Variants in MCPH1 observed in about 807,000 individuals in gnomAD.
MCPH1 encodes the protein microcephalin.
Under a neutral mutation model 84.5 loss-of-function variants are expected in MCPH1, and 104 were observed. The observed-to-expected ratio is 1.23, with a 90% confidence interval of 1.05 to 1.45. MCPH1 has a LOEUF of 1.45. MCPH1 is among the 40% of genes most tolerant of loss of function. The probability of loss-of-function intolerance (pLI) is 0.00; values close to 1 mark genes in which losing one functional copy is unlikely to be tolerated. For synonymous variants in MCPH1, 514 were observed against 366.8 expected (o/e 1.40, Z -4.58); for missense variants, 1,498 against 1,005.7 (o/e 1.49, Z -6.62).
chr8:6,586,240 T>C (rs1397247136), intron 12 of MCPH1, among the ~76,000 whole-genome samples: 1 of 152,066 alleles, frequency 6.6e-6, no homozygotes, highest in Non-Finnish European at 1.5e-5. Context: ...GGATTACAGG[T>C]GTGAGCCACC....
At chr8:6,473,888 T>C (rs1808089902) in intron 9 of MCPH1, 3 of 1,521,986 alleles carry the variant, frequency 2.0e-6, no homozygotes, top group Non-Finnish European at 2.6e-6. Context: ...TTTCAAGATC[T>C]GATCTACATT....
chr8:6,613,745 G>A (rs111673418), intron 12 of MCPH1, among the ~76,000 whole-genome samples: 12 of 152,214 alleles, frequency 7.9e-5, no homozygotes, highest in African/African-American at 2.6e-4. Flanking sequence ...CAGTAACAGC[G>A]AGGTTGAAGT....
intron 12 of MCPH1, among the ~76,000 whole-genome samples, chr8:6,605,177 C>A (rs990532261): frequency 3.3e-5 from 5 of 151,844 alleles, no homozygotes; most frequent in Non-Finnish European, 7.4e-5. Context: ...TTGTTGGGTC[C>A]CTGAATCTGG....
At chr8:6,420,823 G>C (rs981705075) in intron 3 of MCPH1, among the ~76,000 whole-genome samples, 1 of 152,170 alleles carries the variant, frequency 6.6e-6, no homozygotes, top group Non-Finnish European at 1.5e-5. Context: ...GTATGGGTTT[G>C]CAGCAACTTC....
intron 13 of MCPH1, among the ~76,000 whole-genome samples, chr8:6,623,541 T>G (rs1356196526): frequency 6.6e-6 from 1 of 152,100 alleles, no homozygotes; most frequent in Non-Finnish European, 1.5e-5. Context: ...TTTGTTCAAG[T>G]TACATTCGTA....
At chr8:6,520,980 C>T (rs533986389) in intron 12 of MCPH1, among the ~76,000 whole-genome samples, 2 of 152,256 alleles carry the variant, frequency 1.3e-5, no homozygotes, top group East Asian at 1.9e-4. Flanking sequence ...CAAAAGTATG[C>T]TTGGGGTGTT....
chr8:6,495,716 G>A (rs926813145), intron 11 of MCPH1, among the ~76,000 whole-genome samples: 2 of 152,148 alleles, frequency 1.3e-5, no homozygotes, highest in South Asian at 2.1e-4. Flanking sequence ...TGGAGTGAAG[G>A]GTGGATGGAG....
chr8:6,594,435 T>C (rs1028741223), intron 12 of MCPH1, among the ~76,000 whole-genome samples: 2 of 152,166 alleles, frequency 1.3e-5, no homozygotes, highest in African/African-American at 4.8e-5. Flanking sequence ...TGCTAATCTT[T>C]CCAAAACACT....
chr8:6,626,453 G>GTTGT (rs1257329138), intron 13 of MCPH1: 1 of 962,344 alleles, frequency 1.0e-6, no homozygotes, highest in East Asian at 1.2e-4. Flanking sequence ...AAATGGGGTT[G>GTTGT]TTGTTTGGTT....
chr8:6,486,337 C>G (rs1300548922), intron 11 of MCPH1, among the ~76,000 whole-genome samples: 1 of 151,994 alleles, frequency 6.6e-6, no homozygotes, highest in Non-Finnish European at 1.5e-5. Flanking sequence ...CTCCTTCTAA[C>G]CCTGTCTCCA....
At chr8:6,545,952 G>T (rs1822508307) in intron 12 of MCPH1, among the ~76,000 whole-genome samples, 2 of 152,190 alleles carry the variant, frequency 1.3e-5, no homozygotes, top group Admixed American at 6.5e-5. Flanking sequence ...ATATTGAATT[G>T]AGTTGGGGAA....
At chr8:6,548,185 G>T (rs940247946) in intron 12 of MCPH1, among the ~76,000 whole-genome samples, 5 of 152,104 alleles carry the variant, frequency 3.3e-5, no homozygotes, top group Non-Finnish European at 7.3e-5. Context: ...GTGGCTTGAG[G>T]CGGCACGCTT....
intron 13 of MCPH1, among the ~76,000 whole-genome samples, chr8:6,638,091 G>T (rs1473614488): frequency 7.9e-5 from 12 of 151,156 alleles, no homozygotes; most frequent in Admixed American, 7.9e-4. Flanking sequence ...TGTGAAAGAG[G>T]ACACATGTGA....
Position 6,643,315 on chromosome 8 carries a change from A to G in MCPH1, c.*266A>G, listed in dbSNP as rs1392242185. 4.3e-6 allele frequency: 2 copies of G among 466,156 alleles called. No individual in the cohort carries two copies. The highest frequency in any genetic ancestry group is 4.2e-5 in the East Asian group (1 of 24,054). The allele number at this position is 466,156 out of a possible 1,614,324, so 28.9% of individuals were successfully genotyped here. Reference sequence around the variant, plus strand: ...AGTCCTGCCCTGTTTCCCAGGCTGGAGTGCAATGGCACAATCTCGGCTCAC... The same window carrying G: ...AGTCCTGCCCTGTTTCCCAGGCTGGGGTGCAATGGCACAATCTCGGCTCAC... On this transcript the variant is annotated 3_prime_UTR_variant, in exon 14 of 14. Coordinates refer to ENST00000344683, the MANE Select transcript of MCPH1 (RefSeq NM_024596.5).
At chr8:6,426,946 C>T (rs1053745454) in intron 3 of MCPH1, among the ~76,000 whole-genome samples, 4 of 152,142 alleles carry the variant, frequency 2.6e-5, no homozygotes, top group African/African-American at 7.2e-5. Context: ...ACAGGGATGC[C>T]TTCTGAGAAA....
At chr8:6,445,754 A>G in intron 8 of MCPH1, 1 of 1,362,566 alleles carries the variant, frequency 7.3e-7, no homozygotes. Context: ...CTTATTGGTT[A>G]AGTCTGTTAG....
At chr8:6,574,310 G>C (rs962327061) in intron 12 of MCPH1, among the ~76,000 whole-genome samples, 3 of 152,110 alleles carry the variant, frequency 2.0e-5, no homozygotes, top group Non-Finnish European at 4.4e-5. Flanking sequence ...CCTAGCTTCT[G>C]GTGTTGCTGG....
chr8:6,503,128 G>A (rs1020984063), intron 12 of MCPH1: 2 of 1,614,188 alleles, frequency 1.2e-6, no homozygotes, highest in Admixed American at 3.3e-5. Flanking sequence ...GGATCATCAT[G>A]GTTGTGGCCT....
At chr8:6,547,413 C>T (rs1444815633) in intron 12 of MCPH1, among the ~76,000 whole-genome samples, 7 of 152,138 alleles carry the variant, frequency 4.6e-5, no homozygotes, top group Admixed American at 4.6e-4. Context: ...GAAATTTCCT[C>T]TCCCCTTTCA....
Sources: gnomAD v4.1 joint callset for allele counts (sites outside exome capture counted in the v4.1 genomes callset) on GRCh38, gnomAD v4.1.1 for gene constraint, MANE v1.5 for transcripts, NCBI Gene and HGNC (gene_info 2026-07-23, HGNC 2026-07-21) for gene names.